MDM1: variants seen among roughly 807,000 people sequenced by gnomAD.
MDM1 encodes the protein stabilizer of axonemal microtubules 6.
Under a neutral mutation model 89.1 loss-of-function variants are expected in MDM1, and 61 were observed. That is an observed-to-expected ratio of 0.68 (90% CI 0.56 to 0.85). The LOEUF is 0.85. Among genes scored for constraint, MDM1 ranks in the 40% least tolerant of loss-of-function variants. MDM1 has a pLI of 0.00. For missense variants in MDM1, 820 were observed against 846.5 expected, an observed-to-expected ratio of 0.97 and a Z score of 0.39; for synonymous variants, 290 against 294.1, an observed-to-expected ratio of 0.99 and a Z score of 0.14.
At chr12:68,319,554 C>G (rs1874949085) in intron 7 of MDM1, among the ~76,000 whole-genome samples, 1 of 152,104 alleles carries the variant, frequency 6.6e-6, no homozygotes, top group African/African-American at 2.4e-5. Context: ...AATCAGATGC[C>G]TATAGTAAAT....
chr12:68,323,139 T>C lies in MDM1; in HGVS notation c.735A>G (p.Lys245=), dbSNP rs1875463953. 6.2e-7 allele frequency: 1 copy of C among 1,610,928 alleles called. No individual in the cohort carries two copies. The highest frequency in any genetic ancestry group is 8.5e-7 in the Non-Finnish European group (1 of 1,179,044). The change falls in exon 5 of 15, where the codon AAA becomes AAG. Residue 245 remains lysine (K), a synonymous_variant. Transcript: ENST00000682720. ...TCAAATCATTTCTTAATTTTGGTTC[T>C]TTCACTGGAGATAAACCCTTGAAAT... ...KRNFKGLSPV[K]EPKLRNDLRE...
intron 13 of MDM1, among the ~76,000 whole-genome samples, chr12:68,298,867 T>A (rs1871766890): frequency 6.6e-6 from 1 of 151,792 alleles, no homozygotes; most frequent in South Asian, 2.1e-4. Context: ...ATTAAATAAA[T>A]GAAAAAGTAC....
intron 13 of MDM1, among the ~76,000 whole-genome samples, chr12:68,298,519 G>A (rs1451495899): frequency 2.6e-5 from 4 of 152,106 alleles, no homozygotes; most frequent in African/African-American, 9.7e-5. Flanking sequence ...TCTCCCACAG[G>A]ACTCGGTATG....
At chr12:68,310,785 T>C (rs1873568065) in intron 12 of MDM1, among the ~76,000 whole-genome samples, 1 of 152,172 alleles carries the variant, frequency 6.6e-6, no homozygotes, top group African/African-American at 2.4e-5. Flanking sequence ...AACTCCTACT[T>C]TGTACTCAAA....
chr12:68,300,772 G>A (rs534050567), intron 13 of MDM1, among the ~76,000 whole-genome samples: 21 of 152,208 alleles, frequency 1.4e-4, no homozygotes, highest in African/African-American at 4.8e-4. Flanking sequence ...GAAAGTCAAC[G>A]AAGAAACAAT....
chr12:68,307,933 G>C (rs1162771458), intron 12 of MDM1, among the ~76,000 whole-genome samples: 7 of 129,628 alleles, frequency 5.4e-5, no homozygotes, highest in Admixed American at 2.5e-4. Context: ...GCAAGACCCT[G>C]TCTCAAAAAA....
chr12:68,326,616 A>G (rs1876019675), intron 3 of MDM1, 41 bp downstream of exon 3: 1 of 1,613,984 alleles, frequency 6.2e-7, no homozygotes, highest in African/African-American at 1.3e-5. Flanking sequence ...ACCAATGAAG[A>G]ATTCTATGCT....
At chr12:68,300,278 G>GA (rs1224614131) in intron 13 of MDM1, among the ~76,000 whole-genome samples, 10 of 151,724 alleles carry the variant, frequency 6.6e-5, no homozygotes, top group Admixed American at 5.2e-4. Flanking sequence ...CAACACAACG[G>GA]AAAAAACAAA....
At chr12:68,308,285 C>T (rs1424550136) in intron 12 of MDM1, among the ~76,000 whole-genome samples, 1 of 152,116 alleles carries the variant, frequency 6.6e-6, no homozygotes, top group Non-Finnish European at 1.5e-5. Context: ...GCCACCATGT[C>T]CAGCTAACTT....
intron 12 of MDM1, among the ~76,000 whole-genome samples, chr12:68,307,217 T>G (rs1287999690): frequency 6.6e-6 from 1 of 151,592 alleles, no homozygotes; most frequent in Non-Finnish European, 1.5e-5. Context: ...GGTGCAAGAG[T>G]TGAAAACCTA....
chr12:68,326,036 G>A, intron 3 of MDM1: 1 of 994,344 alleles, frequency 1.0e-6, no homozygotes, highest in South Asian at 4.6e-5. Context: ...TGCCTCTTCA[G>A]GGTCCCAGTC....
chr12:68,313,387 T>C (rs554704807), intron 12 of MDM1, 56 bp downstream of exon 12: 1 of 1,181,262 alleles, frequency 8.5e-7, no homozygotes, highest in African/African-American at 1.5e-5. Flanking sequence ...ATTTATTACA[T>C]GTGTCTACAA....
Position 68,315,198 on chromosome 12 carries a change from C to T in MDM1, c.1279G>A (p.Val427Met), listed in dbSNP as rs374734806. 5.6e-6 allele frequency: 9 copies of T among 1,614,158 alleles called. No individual in the cohort carries two copies. The highest frequency in any genetic ancestry group is 4.5e-5 in the East Asian group (2 of 44,890). Residue 427 changes from valine to methionine, a missense_variant, in exon 10 of 15, where the codon GTG (valine) becomes ATG (methionine). By Grantham distance (21) the Val-to-Met change is conservative. Coordinates refer to ENST00000682720, the MANE Select transcript of MDM1 (RefSeq NM_001354969.2). Reference protein sequence around the residue: ...STEPEEKGNIVEEQPQKNTTE... With the variant: ...STEPEEKGNIMEEQPQKNTTE... The stretch of plus-strand genomic sequence containing the variant: ...GTATTTTTCTGGGGCTGTTCTTCCA[C>T]GATATTTCCTTTTTCTTCTGGTTCT...
Position 68,326,784 on chromosome 12 carries a change from G to A in MDM1, c.371C>T (p.Ala124Val), listed in dbSNP as rs1343095465. ...RVPKRTRSHS[A>V]DSRAEGASDV... ...TGAAGCCCCTTCAGCTCTGGAGTCT[G>A]CAGAGTGAGATCTGGTTCTTTTGGG... Residue 124 changes from alanine (A) to valine (V), a missense_variant, in exon 3 of 15, where the codon GCA (alanine) becomes GTA (valine). Coordinates refer to ENST00000682720, the MANE Select transcript of MDM1 (RefSeq NM_001354969.2). 6.2e-7 allele frequency: 1 copy of A among 1,613,942 alleles called. No homozygotes were observed. Among genetic ancestry groups the A allele is most frequent in the African/African-American group, 1.3e-5 (1 of 74,908 alleles).
At chr12:68,313,814 A>G in intron 10 of MDM1, 61 bp from the exon 11 acceptor site, 1 of 1,364,106 alleles carries the variant, frequency 7.3e-7, no homozygotes, top group East Asian at 2.3e-5. Flanking sequence ...ATGATAAAAA[A>G]TACTTTGCCA....
At chr12:68,302,987 A>ACCAC in intron 12 of MDM1, 115 bp from the exon 13 acceptor site, 3 of 867,508 alleles carry the variant, frequency 3.5e-6, no homozygotes, top group Non-Finnish European at 5.0e-6. Context: ...GAAATATGAG[A>ACCAC]GAATTTATGC....
intron 12 of MDM1, among the ~76,000 whole-genome samples, chr12:68,304,063 G>A (rs1236253338): frequency 6.6e-6 from 1 of 152,082 alleles, no homozygotes; most frequent in Non-Finnish European, 1.5e-5. Flanking sequence ...AGTAAGCCAT[G>A]ATTGCATCAC....
At position 68,295,353 on chromosome 12, in the gene MDM1, C is replaced by A; in HGVS notation, c.2076G>T (p.Leu692Phe). 6.2e-7 allele frequency: 1 copy of A among 1,611,146 alleles called. No homozygotes were observed. Among genetic ancestry groups the A allele is most frequent in the South Asian group, 1.1e-5 (1 of 90,670 alleles). The change falls in exon 15 of 15, where the codon TTG becomes TTT. Residue 692 changes from leucine to phenylalanine, a missense_variant. Physicochemically the swap from Leu to Phe is conservative, Grantham distance 22. Transcript: ENST00000682720. The part of the protein sequence containing the change: ...EAFNDEDEDR[L>F]SEISARSAAS... ...CTGCAGAGCGAGCAGAAATCTCAGA[C>A]AATCTGTCCTCATCTGCAATGAAAA...
At chr12:68,303,610 A>G (rs1872512925) in intron 12 of MDM1, among the ~76,000 whole-genome samples, 1 of 152,242 alleles carries the variant, frequency 6.6e-6, no homozygotes, top group Non-Finnish European at 1.5e-5. Flanking sequence ...TTTGAGTAAA[A>G]ATTAGATTTT....
Sources: gnomAD v4.1 joint callset for allele counts (sites outside exome capture counted in the v4.1 genomes callset) on GRCh38, gnomAD v4.1.1 for gene constraint, MANE v1.5 for transcripts, NCBI Gene and HGNC (gene_info 2026-07-23, HGNC 2026-07-21) for gene names.